Variants in SLC24A2 observed in about 807,000 individuals in gnomAD.
SLC24A2 encodes the protein sodium/potassium/calcium exchanger 2.
Under a neutral mutation model 62.0 loss-of-function variants are expected in SLC24A2, and 36 were observed. The observed-to-expected ratio is 0.58, with a 90% confidence interval of 0.44 to 0.77. The LOEUF is 0.77. Among genes scored for constraint, SLC24A2 ranks in the 30% least tolerant of loss-of-function variants. SLC24A2 has a pLI of 0.00. For missense variants in SLC24A2, 846 were observed against 817.9 expected (o/e 1.03, Z -0.42); for synonymous variants, 358 against 294.0 (o/e 1.22, Z -2.23).
chr9:19,576,132 T>A (rs10964226), intron 6 of SLC24A2, among the ~76,000 whole-genome samples: 5,357 of 152,262 alleles, frequency 0.035, 356 homozygotes, highest in East Asian at 0.31. Flanking sequence ...AGGCAGAAAC[T>A]CTTCTACGGA....
the SLC24A2 span, among the ~76,000 whole-genome samples, chr9:20,057,774 T>C: frequency 3.3e-5 from 5 of 152,344 alleles, no homozygotes; most frequent in African/African-American, 1.2e-4. Context: ...AAGCACATTC[T>C]AGTAACTTAA....
At chr9:20,097,731 T>A in the SLC24A2 span, among the ~76,000 whole-genome samples, 1 of 62,848 alleles carries the variant, frequency 1.6e-5, no homozygotes, top group Non-Finnish European at 2.9e-5. Flanking sequence ...TTTTTTTTTT[T>A]TTTTTTTTTT....
the SLC24A2 span, among the ~76,000 whole-genome samples, chr9:19,930,647 A>T: frequency 2.6e-5 from 4 of 152,126 alleles, no homozygotes; most frequent in Non-Finnish European, 5.9e-5. Context: ...GCTGTTGGGG[A>T]GGGGGCTGCA....
At chr9:20,015,729 G>A in the SLC24A2 span, among the ~76,000 whole-genome samples, 1 of 152,204 alleles carries the variant, frequency 6.6e-6, no homozygotes, top group Non-Finnish European at 1.5e-5. Context: ...GGAAATGGGT[G>A]GTGGATAATG....
At chr9:19,702,949 A>C (rs879622318) in intron 2 of SLC24A2, among the ~76,000 whole-genome samples, 14 of 102,868 alleles carry the variant, frequency 1.4e-4, no homozygotes, top group Middle Eastern at 5.8e-3. Flanking sequence ...GCAAATAAAA[A>C]ATAATAATTT....
At chr9:19,626,933 C>A (rs1346209116) in intron 2 of SLC24A2, among the ~76,000 whole-genome samples, 1 of 152,186 alleles carries the variant, frequency 6.6e-6, no homozygotes, top group East Asian at 1.9e-4. Context: ...ACCCTACTAC[C>A]TCTTAGTCAG....
the SLC24A2 span, among the ~76,000 whole-genome samples, chr9:19,934,379 T>A: frequency 1.8e-4 from 27 of 152,256 alleles, no homozygotes; most frequent in African/African-American, 6.3e-4. The surrounding 1 kb of genome is among the most constrained non-coding windows in gnomAD (Gnocchi z 4.1). Context: ...GCGGCCTCCA[T>A]GGGCCGAGAC....
At position 19,513,167 on chromosome 9, in the gene SLC24A2, T is replaced by C. The variant is rs1589111146; in HGVS notation, c.*2986A>G. 1.7e-5 allele frequency: 1 copy of C among 59,878 alleles called. No individual in the cohort carries two copies. The highest frequency in any genetic ancestry group is 3.5e-5 in the Non-Finnish European group (1 of 28,370). The allele number at this position is 59,878 out of a possible 1,614,324, so 3.7% of individuals were successfully genotyped here. A position where few individuals can be genotyped will look rare whatever the true frequency, so the allele number is the denominator to read the frequency against. On this transcript the variant is annotated 3_prime_UTR_variant, in exon 11 of 11. Coordinates refer to ENST00000341998, the MANE Select transcript of SLC24A2 (RefSeq NM_020344.4). ...TCTGGTATAAAGATATATATATATA[T>C]ATATATATGTATATATATATATATG...
At chr9:19,622,203 C>G in intron 3 of SLC24A2, 58 bp downstream of exon 3, 1 of 1,487,330 alleles carries the variant, frequency 6.7e-7, no homozygotes, top group Admixed American at 1.7e-5. Flanking sequence ...ACTCCCACCC[C>G]TGCCCCACGC....
At chr9:20,194,268 G>C in the SLC24A2 span, among the ~76,000 whole-genome samples, 8 of 152,178 alleles carry the variant, frequency 5.3e-5, no homozygotes, top group South Asian at 1.7e-3. Context: ...CTGTATGGAA[G>C]AAAGAAGAGA....
chr9:19,997,781 C>T, the SLC24A2 span, among the ~76,000 whole-genome samples: 1 of 152,202 alleles, frequency 6.6e-6, no homozygotes, highest in African/African-American at 2.4e-5. Context: ...TCAGGCAACA[C>T]ATTTTATTTG....
At chr9:20,084,227 A>G in the SLC24A2 span, among the ~76,000 whole-genome samples, 1 of 152,224 alleles carries the variant, frequency 6.6e-6, no homozygotes, top group Admixed American at 6.5e-5. Flanking sequence ...TAACATTTTA[A>G]TTACACAATC....
At chr9:19,611,379 T>A (rs1587034407) in intron 4 of SLC24A2, among the ~76,000 whole-genome samples, 1 of 118,450 alleles carries the variant, frequency 8.4e-6, no homozygotes, top group Non-Finnish European at 1.7e-5. Context: ...CAGAGAGAGA[T>A]GAGGGAGAGG....
At chr9:19,644,282 T>C (rs564671809) in intron 2 of SLC24A2, among the ~76,000 whole-genome samples, 2 of 152,350 alleles carry the variant, frequency 1.3e-5, no homozygotes, top group South Asian at 4.1e-4. Context: ...CCAATTCATG[T>C]GAATGCAGGT....
At chr9:20,208,495 TAAGAG>T in the SLC24A2 span, among the ~76,000 whole-genome samples, 1 of 152,238 alleles carries the variant, frequency 6.6e-6, no homozygotes, top group African/African-American at 2.4e-5. Flanking sequence ...TAACTACTGC[TAAGAG>T]AAAAGTTTTC....
chr9:19,961,751 C>T, the SLC24A2 span, among the ~76,000 whole-genome samples: 1 of 152,204 alleles, frequency 6.6e-6, no homozygotes, highest in Non-Finnish European at 1.5e-5. Flanking sequence ...ATGGCTTCGC[C>T]TCTCTCTTCT....
chr9:20,203,715 A>T, the SLC24A2 span, among the ~76,000 whole-genome samples: 1 of 152,112 alleles, frequency 6.6e-6, no homozygotes, highest in Admixed American at 6.5e-5. Flanking sequence ...AGAAGAAAGA[A>T]GAAGCAGCAG....
chr9:20,223,328 T>C, the SLC24A2 span, among the ~76,000 whole-genome samples: 2 of 152,252 alleles, frequency 1.3e-5, no homozygotes, highest in Non-Finnish European at 2.9e-5. Context: ...TTCAAATTGA[T>C]ATATAAATTC....
chr9:19,848,023 A>G, the SLC24A2 span, among the ~76,000 whole-genome samples: 1 of 152,318 alleles, frequency 6.6e-6, no homozygotes, highest in African/African-American at 2.4e-5. Context: ...AAATTTGACA[A>G]CCATCAGCAA....
Sources: allele counts gnomAD v4.1 joint callset (sites outside exome capture counted in the v4.1 genomes callset), GRCh38; gene constraint gnomAD v4.1.1; non-coding constraint Gnocchi (gnomAD v3.1); transcripts MANE v1.5; gene names NCBI Gene and HGNC (gene_info 2026-07-23, HGNC 2026-07-21).